KCTD4: variants seen among roughly 807,000 people sequenced by gnomAD.
The protein encoded by KCTD4 is potassium channel tetramerization domain containing 4.
In KCTD4, 12 loss-of-function variants were observed where a neutral mutation model predicts 18.3. The observed-to-expected ratio is 0.66, with a 90% CI of 0.42 to 1.06. KCTD4 has a LOEUF of 1.06. Among genes scored for constraint, KCTD4 ranks in the 50% least tolerant of loss-of-function variants. KCTD4 has a pLI of 0.00. For missense variants in KCTD4, 250 were observed against 303.4 expected, an observed-to-expected ratio of 0.82 and a Z score of 1.31; for synonymous variants, 124 against 110.5, an observed-to-expected ratio of 1.12 and a Z score of -0.76.
intron 1 of KCTD4, among the ~76,000 whole-genome samples, chr13:45,195,969 T>C (rs1260126610): frequency 6.6e-6 from 1 of 152,198 alleles, no homozygotes; most frequent in African/African-American, 2.4e-5. Context: ...CTGTTAAAAG[T>C]TAGACTTTAG....
At chr13:45,197,339 A>AT (rs1266556834) in intron 1 of KCTD4, among the ~76,000 whole-genome samples, 8 of 131,320 alleles carry the variant, frequency 6.1e-5, no homozygotes, top group African/African-American at 2.7e-4. Flanking sequence ...TCTACCAAAA[A>AT]TTAAAAAAAA....
chr13:45,193,576 T>C lies in KCTD4; in HGVS notation c.*212A>G. ...GTATATAGAAGGTTACTGTTTTCAT[T>C]TTAGGTGGAAGAGTCTGATCAGTAG... is the stretch of plus-strand genomic sequence containing the variant. On this transcript the variant is annotated 3_prime_UTR_variant, in exon 2 of 2. Transcript: ENST00000379108. 1 of 494,654 alleles carries C rather than the reference T, an allele frequency of 2.0e-6. No homozygotes were observed. The highest frequency in any genetic ancestry group is 3.0e-5 in the East Asian group (1 of 33,322). 30.6% of individuals were successfully genotyped at this position (494,654 alleles called of 1,614,324 possible).
Position 45,200,246 on chromosome 13 carries a change from T to C in KCTD4, c.-188+578A>G, listed in dbSNP as rs936550297. ...GGAGGGAAAGAATTTTGCAGGGAGATGAGAGAGAGAGGGAGAGACAAAACA... is the reference window on the plus strand; with the variant it reads ...GGAGGGAAAGAATTTTGCAGGGAGACGAGAGAGAGAGGGAGAGACAAAACA... On this transcript the variant is annotated intron_variant, in intron 1 of 1. Coordinates refer to ENST00000379108, the MANE Select transcript of KCTD4 (RefSeq NM_198404.3). Among the ~76,000 whole-genome samples the C allele has an allele frequency of 4.6e-5, 7 of 151,654 alleles. No homozygotes were observed. The South Asian group carries it at 8.4e-4, about 18-fold the overall frequency.
At chr13:45,199,423 T>C (rs1055485214) in intron 1 of KCTD4, among the ~76,000 whole-genome samples, 1 of 152,266 alleles carries the variant, frequency 6.6e-6, no homozygotes, top group South Asian at 2.1e-4. Context: ...TATTAATTCA[T>C]GTTTTACATG....
Position 45,193,930 on chromosome 13 carries a change from T to A in KCTD4, c.638A>T (p.Asp213Val). The A allele has an allele frequency of 6.2e-7, 1 of 1,614,164 alleles. No homozygotes were observed. The highest frequency in any genetic ancestry group is 8.5e-7 in the Non-Finnish European group (1 of 1,180,008). ...TTCCAAGGTACAGACAAAGGTGTTG[T>A]CTTCCTTTAGTACAAGTCGAGTGCC... The part of the protein sequence containing the change: ...ENGTRLVLKE[D>V]NTFVCTLETL... The change falls in exon 2 of 2, where the codon GAC becomes GTC. Residue 213 changes from aspartate (D) to valine (V), a missense_variant. Transcript: ENST00000379108.
In KCTD4 at chr13:45,194,116, C is replaced by T. The variant is rs143597700; in HGVS notation, c.452G>A (p.Arg151His). The T allele has an allele frequency of 5.0e-5, 80 of 1,613,874 alleles. No homozygotes were observed. The highest frequency in any genetic ancestry group is 6.1e-5 in the Non-Finnish European group (72 of 1,179,916). The change falls in exon 2 of 2, where the codon CGT becomes CAT. Residue 151 changes from arginine to histidine, a missense_variant. Physicochemically the swap from Arg to His is conservative, Grantham distance 29. Transcript: ENST00000379108. ...TFLEITDNHD[R>H]SQGLRIFCNA... ...ACAGAAGATTCTTAATCCTTGTGAACGATCGTGGTTATCTGTTATTTCCAA... is the reference window on the plus strand; with the variant it reads ...ACAGAAGATTCTTAATCCTTGTGAATGATCGTGGTTATCTGTTATTTCCAA...
Position 45,194,158 on chromosome 13 carries a change from G to A in KCTD4, c.410C>T (p.Pro137Leu). 3.7e-6 allele frequency: 6 copies of A among 1,614,054 alleles called. No homozygotes were observed. The highest frequency in any genetic ancestry group is 1.1e-5 in the South Asian group (1 of 91,080). ...KSRWEKEQLT[P>L]RETTFLEITD... is the part of the protein sequence containing the mutation. ...TATTTCCAAGAAAGTAGTCTCTCTG[G>A]GTGTTAGCTGTTCTTTCTCCCACCT... Residue 137 changes from proline to leucine, a missense_variant, in exon 2 of 2, where the codon CCC becomes CTC. Transcript: ENST00000379108.
chr13:45,196,083 TTAAA>T (rs1399725919), intron 1 of KCTD4, among the ~76,000 whole-genome samples: 6 of 152,364 alleles, frequency 3.9e-5, no homozygotes, highest in Admixed American at 1.3e-4. Context: ...CTTATTTTCT[TTAAA>T]CAATATTAGA....
chr13:45,193,730 G>T lies in KCTD4; in HGVS notation c.*58C>A. ...TGTTATTTGGGATGTCTTTGATGCT[G>T]TGGTTTTCCGAAGCTTGCTGGCTGC... On this transcript the variant is annotated 3_prime_UTR_variant, in exon 2 of 2. Coordinates refer to ENST00000379108, the MANE Select transcript of KCTD4 (RefSeq NM_198404.3). The T allele has an allele frequency of 6.7e-7, 1 of 1,490,210 alleles. No homozygotes were observed. Among genetic ancestry groups the T allele is most frequent in the South Asian group, 1.3e-5 (1 of 75,114 alleles). 92.3% of individuals were successfully genotyped at this position (1,490,210 alleles called of 1,614,324 possible).
Position 45,200,355 on chromosome 13 carries a change from C to G in KCTD4, c.-188+469G>C, listed in dbSNP as rs1430728468. Among the ~76,000 whole-genome samples, 6 of 152,138 alleles carry G rather than the reference C, an allele frequency of 3.9e-5. 1 individual carries two copies. Among genetic ancestry groups the G allele is most frequent in the Admixed American group, 3.9e-4 (6 of 15,274 alleles). ...TTTTATTTTTTGATACAGGGTCTTG[C>G]TCTGTCACCCAGGCTGGAGTGTATT... On this transcript the variant is annotated intron_variant, in intron 1 of 1. Transcript: ENST00000379108.
Position 45,200,921 on chromosome 13 carries a change from G to C in KCTD4, c.-285C>G, listed in dbSNP as rs745388820. On this transcript the variant is annotated 5_prime_UTR_variant, in exon 1 of 2. Transcript: ENST00000379108. ...TCAGGAGAGTAAGGAGAGTAACTTC[G>C]AGGTCTGGAGGATCAGCCTGAAATG... is the stretch of plus-strand genomic sequence containing the variant. 6.6e-6 allele frequency among the ~76,000 whole-genome samples: 1 copy of C among 152,250 alleles called. No individual in the cohort carries two copies. The highest frequency in any genetic ancestry group is 2.1e-4 in the South Asian group (1 of 4,818).
intron 1 of KCTD4, among the ~76,000 whole-genome samples, chr13:45,199,915 CAGG>C (rs1317524117): frequency 6.6e-6 from 1 of 152,094 alleles, no homozygotes; most frequent in African/African-American, 2.4e-5. Flanking sequence ...AGGATCTGAA[CAGG>C]AGAACAGGAT....
intron 1 of KCTD4, among the ~76,000 whole-genome samples, chr13:45,199,636 G>A (rs954863641): frequency 6.6e-6 from 1 of 152,092 alleles, no homozygotes. Flanking sequence ...ATATTGTACA[G>A]AACTCATTTT....
In KCTD4 at chr13:45,194,202, C is replaced by T; in HGVS notation, c.366G>A (p.Leu122=). The T allele has an allele frequency of 6.2e-7, 1 of 1,614,138 alleles. No homozygotes were observed. Among genetic ancestry groups the T allele is most frequent in the Non-Finnish European group, 8.5e-7 (1 of 1,180,008 alleles). Reference sequence around the variant, plus strand: ...CCCACCTGGATTTCACTTCCTCTGCCAGTCCCTTGAGCTGAAAGAATTCTG... The same window carrying T: ...CCCACCTGGATTTCACTTCCTCTGCTAGTCCCTTGAGCTGAAAGAATTCTG... ...QEAEFFQLKG[L]AEEVKSRWEK... is the part of the protein sequence containing the mutation. The change falls in exon 2 of 2, where the codon CTG becomes CTA. Residue 122 remains leucine (L), a synonymous_variant. Coordinates refer to ENST00000379108, the MANE Select transcript of KCTD4 (RefSeq NM_198404.3).
chr13:45,195,233 G>A (rs1487176850), intron 1 of KCTD4, among the ~76,000 whole-genome samples: 2 of 151,926 alleles, frequency 1.3e-5, no homozygotes, highest in Admixed American at 1.3e-4. Context: ...CTATGTTAAA[G>A]GATGTTAAGA....
intron 1 of KCTD4, among the ~76,000 whole-genome samples, chr13:45,198,498 G>A (rs1195415685): frequency 2.6e-5 from 4 of 152,150 alleles, no homozygotes; most frequent in East Asian, 1.9e-4. Flanking sequence ...TAGAAGCTGC[G>A]TTTGATAAGA....
chr13:45,194,529 C>T lies in KCTD4; in HGVS notation c.39G>A (p.Glu13=), dbSNP rs1235523828. The T allele has an allele frequency of 1.2e-6, 2 of 1,613,264 alleles. No homozygotes were observed. Among genetic ancestry groups the T allele is most frequent in the Admixed American group, 1.7e-5 (1 of 59,798 alleles). The change falls in exon 2 of 2, where the codon GAG becomes GAA. Residue 13 remains glutamate, a synonymous_variant. Transcript: ENST00000379108. The part of the protein sequence containing the change: ...RKINRREKEK[E]YEGKHNSLED... ...CCAGGCTGTTGTGTTTCCCTTCATA[C>T]TCCTTTTCTTTTTCTCTTCTGTTTA...
intron 1 of KCTD4, among the ~76,000 whole-genome samples, chr13:45,200,341 G>T (rs890150554): frequency 6.6e-6 from 1 of 151,994 alleles, no homozygotes; most frequent in Non-Finnish European, 1.5e-5. Context: ...TTTATTTTTT[G>T]ATACAGGGTC....
At chr13:45,198,164 A>G (rs1872996884) in intron 1 of KCTD4, among the ~76,000 whole-genome samples, 1 of 152,258 alleles carries the variant, frequency 6.6e-6, no homozygotes, top group African/African-American at 2.4e-5. Flanking sequence ...AAACTCTGGC[A>G]GAACCTTCCA....
Sources: gnomAD v4.1 joint callset for allele counts (sites outside exome capture counted in the v4.1 genomes callset) on GRCh38, gnomAD v4.1.1 for gene constraint, MANE v1.5 for transcripts, NCBI Gene and HGNC (gene_info 2026-07-23, HGNC 2026-07-21) for gene names.